Variants in OCA2 observed in about 807,000 individuals in gnomAD.
OCA2 encodes the protein OCA2 melanosomal transmembrane protein.
Under a neutral mutation model 100.2 loss-of-function variants are expected in OCA2, and 77 were observed. The observed-to-expected ratio is 0.77, with a 90% confidence interval of 0.64 to 0.93. The LOEUF is 0.93. OCA2 is among the 40% of genes least tolerant of loss of function. The pLI, the probability that OCA2 is intolerant of heterozygous loss-of-function variation, is 0.00. For synonymous variants in OCA2, 432 were observed against 439.2 expected (o/e 0.98, Z 0.21); for missense variants, 1,062 against 1,089.1 (o/e 0.98, Z 0.35).
intron 23 of OCA2, among the ~76,000 whole-genome samples, chr15:27,766,256 T>A (rs531785921): frequency 2.0e-5 from 3 of 152,236 alleles, no homozygotes; most frequent in African/African-American, 7.2e-5. Flanking sequence ...ATAGTCAACA[T>A]AACATTTTGA....
intron 23 of OCA2, among the ~76,000 whole-genome samples, chr15:27,769,617 C>CGTG (rs1342892568): frequency 1.3e-5 from 2 of 151,992 alleles, no homozygotes; most frequent in African/African-American, 4.8e-5. Flanking sequence ...AACCAGACAC[C>CGTG]ACCTGTTCCC....
chr15:27,942,603 A>G (rs1385660946), intron 18 of OCA2, among the ~76,000 whole-genome samples: 1 of 152,150 alleles, frequency 6.6e-6, no homozygotes, highest in East Asian at 1.9e-4. Flanking sequence ...TGGTTGTACA[A>G]CTTTGTGAAT....
At position 27,986,604 on chromosome 15, in the gene OCA2, C is replaced by T. The variant is rs769550106; in HGVS notation, c.1222G>A (p.Asp408Asn). 11 of 1,589,544 alleles carry T rather than the reference C, an allele frequency of 6.9e-6. No homozygotes were observed. The highest frequency in any genetic ancestry group is 1.7e-5 in the Admixed American group (1 of 59,964). The change falls in exon 12 of 24, where the codon GAT (aspartate) becomes AAT (asparagine). Residue 408 changes from aspartate to asparagine, a missense_variant. Transcript: ENST00000354638. ...ATACCTACCTTTACAGCACAATAAT[C>T]GAAAAATCCCGTTTCTGAAAATATG... ...VAIFSETGFF[D>N]YCAVKAYRLS...
intron 1 of OCA2, among the ~76,000 whole-genome samples, chr15:28,084,520 T>A (rs2044740886): frequency 6.6e-6 from 1 of 152,138 alleles, no homozygotes; most frequent in Admixed American, 6.5e-5. Context: ...CACCACAAAG[T>A]GTACCTGTTA....
chr15:28,016,828 A>T (rs1490315712), intron 7 of OCA2, among the ~76,000 whole-genome samples: 2 of 152,144 alleles, frequency 1.3e-5, no homozygotes, highest in Admixed American at 1.3e-4. Flanking sequence ...AAATGAAATC[A>T]CTACAAGTTA....
intron 23 of OCA2, among the ~76,000 whole-genome samples, chr15:27,826,655 A>G (rs1038620262): frequency 3.3e-5 from 5 of 152,176 alleles, no homozygotes; most frequent in African/African-American, 1.2e-4. Context: ...CATTCCCAGG[A>G]AAGAAACTCA....
chr15:27,775,096 G>GTGTC (rs1482048898), intron 23 of OCA2, among the ~76,000 whole-genome samples: 7 of 151,718 alleles, frequency 4.6e-5, no homozygotes, highest in African/African-American at 1.7e-4. Flanking sequence ...GTGTGTGTGT[G>GTGTC]TGTGTGTCTG....
At chr15:27,891,450 G>A (rs2037457590) in intron 19 of OCA2, among the ~76,000 whole-genome samples, 1 of 152,174 alleles carries the variant, frequency 6.6e-6, no homozygotes, top group Non-Finnish European at 1.5e-5. Context: ...AGTATCCATG[G>A]GGAATTGGTT....
intron 9 of OCA2, among the ~76,000 whole-genome samples, chr15:27,991,980 C>G (rs895949450): frequency 6.6e-6 from 1 of 152,204 alleles, no homozygotes; most frequent in African/African-American, 2.4e-5. Context: ...TGGCTTTTCA[C>G]AGTTTCACTT....
intron 14 of OCA2, among the ~76,000 whole-genome samples, chr15:27,980,374 G>A (rs1430855920): frequency 2.0e-5 from 3 of 152,036 alleles, no homozygotes; most frequent in African/African-American, 4.8e-5. Flanking sequence ...TGATCCGACC[G>A]CCTCAGCCTC....
At chr15:27,833,610 A>G (rs2035041627) in intron 23 of OCA2, among the ~76,000 whole-genome samples, 1 of 152,214 alleles carries the variant, frequency 6.6e-6, no homozygotes, top group African/African-American at 2.4e-5. Context: ...ATTCTCTGCC[A>G]TTAAATTAAT....
Position 28,027,880 on chromosome 15 carries a change from G to A in OCA2, c.506C>T (p.Ser169Phe), listed in dbSNP as rs1188916762. 2.5e-6 allele frequency: 4 copies of A among 1,612,878 alleles called. No individual in the cohort carries two copies. The highest frequency in any genetic ancestry group is 3.4e-6 in the Non-Finnish European group (4 of 1,180,036). ...CCCCAAGTCCGCCTACCTCAGCTTGGAAAGACGGAGTCGGATGTGCGGGCT... is the reference window on the plus strand; with the variant it reads ...CCCCAAGTCCGCCTACCTCAGCTTGAAAAGACGGAGTCGGATGTGCGGGCT... ...LDSPHIRLRL[S>F]KLRRCVQWLK... is the part of the protein sequence containing the mutation. Residue 169 changes from serine to phenylalanine, a missense_variant, in exon 4 of 24, where the codon TCC (serine) becomes TTC (phenylalanine). By Grantham distance (155) the Ser-to-Phe change is radical (BLOSUM62 -2). Transcript: ENST00000354638.
At chr15:28,006,387 C>A (rs17652008) in intron 9 of OCA2, among the ~76,000 whole-genome samples, 6,213 of 152,286 alleles carry the variant, frequency 0.041, 210 homozygotes, top group South Asian at 0.13. Context: ...AAAGGGTCCA[C>A]CTACTTCAAG....
chr15:28,029,795 G>C (rs1317774603), intron 3 of OCA2, among the ~76,000 whole-genome samples: 1 of 152,128 alleles, frequency 6.6e-6, no homozygotes, highest in South Asian at 2.1e-4. Context: ...ACAAAATAAA[G>C]TTGATAAAAG....
At chr15:28,062,638 G>A (rs751717900) in intron 2 of OCA2, among the ~76,000 whole-genome samples, 51 of 152,212 alleles carry the variant, frequency 3.4e-4, no homozygotes, top group Middle Eastern at 3.4e-3. Flanking sequence ...ATAATTCAAA[G>A]TCACAAAGAT....
chr15:27,983,823 G>A (rs953852293), intron 13 of OCA2, among the ~76,000 whole-genome samples: 9 of 152,214 alleles, frequency 5.9e-5, no homozygotes, highest in Admixed American at 5.2e-4. Flanking sequence ...GTGGGGGTCA[G>A]TGTGGAGGCA....
chr15:27,956,290 A>G (rs2040220594), intron 16 of OCA2, among the ~76,000 whole-genome samples: 1 of 152,182 alleles, frequency 6.6e-6, no homozygotes, highest in Non-Finnish European at 1.5e-5. Context: ...CAGAGGTTGC[A>G]GTGAGCCGAG....
chr15:27,988,643 G>A (rs998625695), intron 11 of OCA2, among the ~76,000 whole-genome samples: 12 of 152,120 alleles, frequency 7.9e-5, no homozygotes, highest in South Asian at 4.2e-4. Context: ...TAAGCCACAC[G>A]GTCTGTGGTA....
chr15:27,775,778 A>T (rs2032175953), intron 23 of OCA2: 2 of 152,338 alleles, frequency 1.3e-5, no homozygotes, highest in African/African-American at 2.4e-5. Context: ...CTGTGTCTTC[A>T]CAATGTTTTC....
Sources: allele counts gnomAD v4.1 joint callset (sites outside exome capture counted in the v4.1 genomes callset), GRCh38; gene constraint gnomAD v4.1.1; transcripts MANE v1.5; gene names NCBI Gene and HGNC (gene_info 2026-07-23, HGNC 2026-07-21).